HUWE1: variants seen among roughly 807,000 people sequenced by gnomAD.
The protein encoded by HUWE1 is E3 ubiquitin-protein ligase HUWE1.
In HUWE1, 18 loss-of-function variants were observed where a neutral mutation model predicts 299.4. That is an observed-to-expected ratio of 0.06 (90% CI 0.04 to 0.09). The LOEUF is 0.09. Among genes scored for constraint, HUWE1 ranks in the 10% least tolerant of loss-of-function variants. HUWE1 has a pLI of 1.00. For synonymous variants in HUWE1, 1,317 were observed against 1,286.1 expected (o/e 1.02, Z -0.51); for missense variants, 1,832 against 3,462.3 (o/e 0.53, Z 11.82).
chrX:53,563,591 T>C (rs1556943111), intron 52 of HUWE1, among the ~76,000 whole-genome samples, 155 bp downstream of exon 52: 1 of 111,500 alleles, frequency 9.0e-6, no homozygotes, highest in African/African-American at 3.3e-5. Context: ...CTTGTGAATT[T>C]CTCATCTGTA....
intron 43 of HUWE1, among the ~76,000 whole-genome samples, chrX:53,578,376 C>T (rs1167175199): frequency 1.3e-4 from 13 of 99,722 alleles, no homozygotes; most frequent in East Asian, 1.0e-3. Context: ...GCCCCCCGCC[C>T]GGCCAGCCGC....
intron 43 of HUWE1, among the ~76,000 whole-genome samples, chrX:53,578,531 T>A (rs1276791616): frequency 1.1e-4 from 4 of 37,136 alleles, no homozygotes; most frequent in Non-Finnish European, 2.1e-4. Context: ...GGGAGGGAGG[T>A]GGGGGGTCAG....
In HUWE1 at chrX:53,670,343, T is replaced by C. The variant is rs199902402; in HGVS notation, c.-25+9706A>G. On this transcript the variant is annotated intron_variant, in intron 3 of 83. Coordinates refer to ENST00000262854, the MANE Select transcript of HUWE1 (RefSeq NM_031407.7). ...TTCAGTTTTAAGGAGAGATAAAACA[T>C]AGTGAAAACAATACTGGACTAGGTA... Among the ~76,000 whole-genome samples the C allele has an allele frequency of 1.7e-4, 19 of 111,909 alleles. 1 individual carries two copies. The East Asian group carries it at 4.2e-3, about 25-fold the overall frequency.
intron 78 of HUWE1, among the ~76,000 whole-genome samples, chrX:53,536,963 G>A (rs1448327369): frequency 8.9e-6 from 1 of 112,145 alleles, no homozygotes; most frequent in Non-Finnish European, 1.9e-5. Context: ...GTGGGGAGGG[G>A]AGAAAAGTGG....
rs144449744 is a variant in HUWE1 at position 53,588,493 on chromosome X, G to A, written c.4503C>T (p.Pro1501=). The A allele has an allele frequency of 1.3e-3, 1,538 of 1,204,481 alleles. 1 individual carries two copies. The highest frequency in any genetic ancestry group is 1.6e-3 in the Non-Finnish European group (1,466 of 892,512). The change falls in exon 37 of 84, where the codon CCC becomes CCT. Residue 1501 remains proline, a synonymous_variant. Transcript: ENST00000262854. ...AADVLIKAAL[P]LTTSDTKTVS... ...CGGTTTTTGTGTCACTTGTTGTCAG[G>A]GGAAGAGCAGCTTTGATCAATACAT...
intron 2 of HUWE1, among the ~76,000 whole-genome samples, chrX:53,681,327 G>A (rs781865281): frequency 2.9e-4 from 31 of 108,213 alleles, no homozygotes; most frequent in African/African-American, 9.4e-4. Context: ...CCAGCTACTC[G>A]GGAGGCTGAG....
intron 43 of HUWE1, among the ~76,000 whole-genome samples, chrX:53,579,173 AG>A (rs2063457781): frequency 3.6e-5 from 1 of 27,472 alleles, no homozygotes; most frequent in Non-Finnish European, 6.3e-5. Context: ...CTGCCCGGCC[AG>A]CCGCCCCGTC....
chrX:53,650,305 C>T (rs2068369890), intron 4 of HUWE1, among the ~76,000 whole-genome samples: 1 of 111,983 alleles, frequency 8.9e-6, no homozygotes, highest in South Asian at 3.7e-4. Context: ...ACAGCAACTT[C>T]CCTCTCACTT....
intron 4 of HUWE1, among the ~76,000 whole-genome samples, chrX:53,652,178 T>C (rs2068513486): frequency 8.9e-6 from 1 of 112,312 alleles, no homozygotes; most frequent in Non-Finnish European, 1.9e-5. Flanking sequence ...GTCATGTCTT[T>C]TTAATTTTGG....
chrX:53,682,017 GA>G (rs1419222908), intron 2 of HUWE1, among the ~76,000 whole-genome samples: 4 of 110,098 alleles, frequency 3.6e-5, no homozygotes, highest in Non-Finnish European at 7.6e-5. Context: ...GGCCTATGAG[GA>G]AAAAAAATAT....
In HUWE1 at chrX:53,548,234, T is replaced by A; in HGVS notation, c.10075A>T (p.Thr3359Ser). Residue 3359 changes from threonine to serine, a missense_variant, in exon 68 of 84, where the codon ACA becomes TCA. Coordinates refer to ENST00000262854, the MANE Select transcript of HUWE1 (RefSeq NM_031407.7). ...SHFTQQRTKE[T>S]NCESDRERGN... ...CTTTCCCGATCACTCTCACAGTTTG[T>A]TTCTTTGGTCCGCTGCTGTGTGAAG... 1 of 1,210,636 alleles carries A rather than the reference T, an allele frequency of 8.3e-7. No individual in the cohort carries two copies. Among genetic ancestry groups the A allele is most frequent in the East Asian group, 3.0e-5 (1 of 33,844 alleles).
chrX:53,629,437 C>G (rs782458740), intron 13 of HUWE1, 79 bp downstream of exon 13: 121 of 659,123 alleles, frequency 1.8e-4, no homozygotes, highest in East Asian at 1.1e-3. Context: ...CCCCTCCCCC[C>G]CCAAAAAAGT....
intron 36 of HUWE1, 44 bp from the exon 37 acceptor site, chrX:53,588,578 A>G (rs1331982552): frequency 7.0e-6 from 8 of 1,150,380 alleles, no homozygotes; most frequent in Non-Finnish European, 7.0e-6. Context: ...CCGCAGAGCA[A>G]GATGAGGTTT....
rs6638401 is a variant in HUWE1 at position 53,559,566 on chromosome X, T to G, written c.7737-34A>C. 2.5e-4 allele frequency: 288 copies of G among 1,164,085 alleles called. No individual in the cohort carries two copies. In the East Asian group the frequency reaches 7.5e-3, roughly 30 times the overall value. ...TAATGGTGGGTACCATGATCACTGT[T>G]AAGTCCAGAGGTGCCCTGCAACCTG... On this transcript the variant is annotated intron_variant, in intron 56 of 83. Coordinates refer to ENST00000262854, the MANE Select transcript of HUWE1 (RefSeq NM_031407.7).
chrX:53,615,416 C>T (rs1237533696), intron 22 of HUWE1, among the ~76,000 whole-genome samples: 1 of 110,139 alleles, frequency 9.1e-6, no homozygotes, highest in African/African-American at 3.3e-5. Context: ...TTCATAGAAA[C>T]GGGGCTTCAC....
At chrX:53,561,298 C>G (rs367914566) in intron 55 of HUWE1, among the ~76,000 whole-genome samples, 1 of 111,913 alleles carries the variant, frequency 8.9e-6, no homozygotes, top group South Asian at 3.8e-4. Flanking sequence ...GAGATTCACT[C>G]GTTCTCCCGA....
At chrX:53,670,769 A>T (rs1188553044) in intron 3 of HUWE1, among the ~76,000 whole-genome samples, 1 of 111,789 alleles carries the variant, frequency 8.9e-6, no homozygotes, top group African/African-American at 3.3e-5. Flanking sequence ...CCTCCAAAGT[A>T]GAAGAGTCAA....
intron 52 of HUWE1, among the ~76,000 whole-genome samples, chrX:53,563,249 G>A (rs952757073): frequency 8.9e-5 from 10 of 112,082 alleles, no homozygotes; most frequent in African/African-American, 2.9e-4. Context: ...TTTATCCTTT[G>A]ATTTCCTTGA....
At chrX:53,552,503 T>C (rs955010769) in intron 62 of HUWE1, 62 bp from the exon 63 acceptor site, 16 of 1,199,649 alleles carry the variant, frequency 1.3e-5, no homozygotes, top group South Asian at 3.5e-5. Context: ...AAAACACTGC[T>C]ACAATACCCC....
Sources: allele counts gnomAD v4.1 joint callset (sites outside exome capture counted in the v4.1 genomes callset), GRCh38; gene constraint gnomAD v4.1.1; transcripts MANE v1.5; gene names NCBI Gene and HGNC (gene_info 2026-07-23, HGNC 2026-07-21).